Variants in WDFY3 observed in about 807,000 individuals in gnomAD.
WDFY3 encodes the protein WD repeat and FYVE domain-containing protein 3.
In WDFY3, 66 loss-of-function variants were observed where a neutral mutation model predicts 409.6. The observed-to-expected ratio is 0.16, with a 90% CI of 0.13 to 0.20. The LOEUF (loss-of-function observed/expected upper bound fraction) is 0.20, where lower values mean the gene tolerates loss of function less well. Ranked by LOEUF, WDFY3 falls within the 10% of genes least tolerant of loss-of-function variation. The probability of loss-of-function intolerance (pLI) is 1.00; values close to 1 mark genes in which losing one functional copy is unlikely to be tolerated. For missense variants in WDFY3, 3,031 were observed against 4,298.1 expected, an observed-to-expected ratio of 0.71 and a Z score of 8.24; for synonymous variants, 1,521 against 1,537.1, an observed-to-expected ratio of 0.99 and a Z score of 0.25.
intron 25 of WDFY3, 97 bp from the exon 26 acceptor site, chr4:84,780,395 T>C: frequency 8.3e-7 from 1 of 1,209,634 alleles, no homozygotes; most frequent in South Asian, 1.9e-5. Flanking sequence ...AGCAGTGTTT[T>C]ATTTTAAAAA....
intron 39 of WDFY3, 103 bp downstream of exon 39, chr4:84,740,084 G>T: frequency 8.6e-7 from 1 of 1,157,366 alleles, no homozygotes; most frequent in East Asian, 2.5e-5. Flanking sequence ...AAATAAAACA[G>T]AGTAAGGGTA....
chr4:84,708,716 AT>A (rs1460912348), intron 53 of WDFY3, among the ~76,000 whole-genome samples, 192 bp downstream of exon 53: 1 of 151,876 alleles, frequency 6.6e-6, no homozygotes, highest in Non-Finnish European at 1.5e-5. Flanking sequence ...AATTTCTGTA[AT>A]TTTAGTGGAG....
intron 3 of WDFY3, among the ~76,000 whole-genome samples, chr4:84,870,536 T>C (rs1241087443): frequency 1.3e-5 from 2 of 152,054 alleles, no homozygotes; most frequent in African/African-American, 2.4e-5. Flanking sequence ...GTTTTCAAGA[T>C]CTGAGAAAGA....
intron 53 of WDFY3, among the ~76,000 whole-genome samples, chr4:84,706,887 C>T (rs1240848880): frequency 6.6e-6 from 1 of 151,872 alleles, no homozygotes; most frequent in Non-Finnish European, 1.5e-5. Flanking sequence ...TCAACTCTCT[C>T]CCAAATTATG....
chr4:84,821,808 T>A (rs1754109897), intron 10 of WDFY3, among the ~76,000 whole-genome samples: 1 of 152,322 alleles, frequency 6.6e-6, no homozygotes, highest in African/African-American at 2.4e-5. Flanking sequence ...TTAGACTGTT[T>A]TAGAGGGAAT....
At chr4:84,705,660 G>C in intron 53 of WDFY3, 149 bp from the exon 54 acceptor site, 1 of 662,428 alleles carries the variant, frequency 1.5e-6, no homozygotes, top group Non-Finnish European at 2.7e-6. Context: ...CCAAAATAAT[G>C]CTATATATGT....
chr4:84,818,491 G>A (rs1349053904), intron 12 of WDFY3, among the ~76,000 whole-genome samples: 1 of 152,006 alleles, frequency 6.6e-6, no homozygotes, highest in Non-Finnish European at 1.5e-5. Context: ...TTCAATAAAC[G>A]TTTACTAAAA....
At chr4:84,906,758 G>A (rs1257360164) in intron 2 of WDFY3, among the ~76,000 whole-genome samples, 1 of 150,166 alleles carries the variant, frequency 6.7e-6, no homozygotes, top group African/African-American at 2.5e-5. Context: ...AAAACATTAT[G>A]AGATATTTTG....
chr4:84,866,659 TTA>T (rs1761441433), intron 3 of WDFY3, among the ~76,000 whole-genome samples: 1 of 152,222 alleles, frequency 6.6e-6, no homozygotes, highest in Non-Finnish European at 1.5e-5. Flanking sequence ...AAAGGAACAC[TTA>T]AAACCCAGAA....
In WDFY3 at chr4:84,669,984, A is replaced by C. The variant is rs373916333; in HGVS notation, c.*2884T>G. ...TTCTAAAAACAGTTTTAACGGCATA[A>C]ATATTTTATACACAGTTCATTTACC... On this transcript the variant is annotated 3_prime_UTR_variant, in exon 68 of 68. Coordinates refer to ENST00000295888, the MANE Select transcript of WDFY3 (RefSeq NM_014991.6). 1.3e-5 allele frequency: 2 copies of C among 152,444 alleles called. No homozygotes were observed. Among genetic ancestry groups the C allele is most frequent in the South Asian group, 2.1e-4 (1 of 4,832 alleles). The allele number at this position is 152,444 out of a possible 1,614,324, so 9.4% of individuals were successfully genotyped here.
intron 47 of WDFY3, among the ~76,000 whole-genome samples, chr4:84,718,978 G>C (rs1257905915): frequency 6.6e-6 from 1 of 152,222 alleles, no homozygotes; most frequent in East Asian, 1.9e-4. Context: ...ATGATACAGA[G>C]TGAAAATTGC....
At chr4:84,901,398 AC>A (rs1202432222) in intron 2 of WDFY3, among the ~76,000 whole-genome samples, 2 of 151,962 alleles carry the variant, frequency 1.3e-5, no homozygotes, top group African/African-American at 4.8e-5. Context: ...AGAAAGAGAG[AC>A]CTGAGTTAGC....
chr4:84,897,373 T>C (rs758561933), intron 2 of WDFY3, among the ~76,000 whole-genome samples: 1 of 152,130 alleles, frequency 6.6e-6, no homozygotes, highest in Non-Finnish European at 1.5e-5. Flanking sequence ...TGCACTTTTT[T>C]TATTTTATTA....
intron 3 of WDFY3, among the ~76,000 whole-genome samples, chr4:84,864,821 T>G (rs1382951595): frequency 6.6e-6 from 1 of 152,260 alleles, no homozygotes; most frequent in Non-Finnish European, 1.5e-5. Flanking sequence ...AGCACGTTTA[T>G]TTATTTGGCA....
chr4:84,787,735 A>G, intron 22 of WDFY3, 22 bp from the exon 23 acceptor site: 1 of 1,574,006 alleles, frequency 6.4e-7, no homozygotes, highest in Non-Finnish European at 8.7e-7. Context: ...ACAAAAGCAA[A>G]TGTGTGAGAT....
intron 4 of WDFY3, among the ~76,000 whole-genome samples, chr4:84,851,432 GTTGT>G (rs1399772742): frequency 2.0e-5 from 3 of 152,106 alleles, no homozygotes; most frequent in African/African-American, 7.2e-5. Flanking sequence ...CCTAAATATG[GTTGT>G]TTATTTATAT....
rs372360587 is a variant in WDFY3 at position 84,907,766 on chromosome 4, C to T, written c.-131-10756G>A. On this transcript the variant is annotated intron_variant, in intron 2 of 67. Transcript: ENST00000295888. ...GGCCCAGTCACTGTACCAGGCCCTA[C>T]AGACACAGGGAAAAAATAAGACTCA... Among the ~76,000 whole-genome samples, 8 of 152,220 alleles carry T rather than the reference C, an allele frequency of 5.3e-5. No homozygotes were observed. The East Asian group carries it at 1.5e-3, about 29-fold the overall frequency.
chr4:84,766,400 T>C, intron 30 of WDFY3, 28 bp from the exon 31 acceptor site: 1 of 1,554,098 alleles, frequency 6.4e-7, no homozygotes, highest in Non-Finnish European at 8.6e-7. Context: ...ACATTAAATC[T>C]CCCTAGTAGA....
intron 3 of WDFY3, among the ~76,000 whole-genome samples, chr4:84,885,395 G>A (rs1764077783): frequency 6.6e-6 from 1 of 150,464 alleles, no homozygotes; most frequent in African/African-American, 2.5e-5. Flanking sequence ...AACTCTAACA[G>A]GATAAATTCA....
Sources: allele counts gnomAD v4.1 joint callset (sites outside exome capture counted in the v4.1 genomes callset), GRCh38; gene constraint gnomAD v4.1.1; transcripts MANE v1.5; gene names NCBI Gene and HGNC (gene_info 2026-07-23, HGNC 2026-07-21).